Variants in RBFOX3 observed in about 807,000 individuals in gnomAD.
The protein encoded by RBFOX3 is RNA binding protein fox-1 homolog 3.
In RBFOX3, 17 loss-of-function variants were observed where a neutral mutation model predicts 48.7. That is an observed-to-expected ratio of 0.35 (90% CI 0.24 to 0.52). The LOEUF (loss-of-function observed/expected upper bound fraction) is 0.52, where lower values mean the gene tolerates loss of function less well. Among genes scored for constraint, RBFOX3 ranks in the 20% least tolerant of loss-of-function variants. The pLI, the probability that RBFOX3 is intolerant of heterozygous loss-of-function variation, is 0.94. For missense variants in RBFOX3, 382 were observed against 497.5 expected (o/e 0.77, Z 2.21); for synonymous variants, 212 against 209.5 (o/e 1.01, Z -0.10).
chr17:79,633,636 C>A, the RBFOX3 span, among the ~76,000 whole-genome samples: 2 of 152,098 alleles, frequency 1.3e-5, no homozygotes, highest in African/African-American at 4.8e-5. Flanking sequence ...GTGTGCTCCA[C>A]ACCCTGAGGG....
At chr17:79,131,692 A>C (rs1485149177) in intron 4 of RBFOX3, among the ~76,000 whole-genome samples, 1 of 152,158 alleles carries the variant, frequency 6.6e-6, no homozygotes, top group Admixed American at 6.5e-5. Context: ...TGCATTTAAG[A>C]CCATTATTGG....
At chr17:79,515,931 C>G (rs2085187272) in intron 1 of RBFOX3, 1 of 152,308 alleles carries the variant, frequency 6.6e-6, no homozygotes, top group African/African-American at 2.4e-5. Context: ...CTTCCAGAAA[C>G]CTAGCTTTAA....
the RBFOX3 span, among the ~76,000 whole-genome samples, chr17:79,632,506 G>A: frequency 2.5e-4 from 38 of 152,166 alleles, no homozygotes; most frequent in African/African-American, 8.7e-4. Context: ...GCCTGCCTCC[G>A]CTCCACCTAT....
At chr17:79,271,558 A>C (rs1369824605) in intron 3 of RBFOX3, among the ~76,000 whole-genome samples, 4 of 152,168 alleles carry the variant, frequency 2.6e-5, no homozygotes, top group Admixed American at 2.6e-4. Context: ...GGCATGCTGG[A>C]GCCCTCTCTC....
At chr17:79,113,447 G>A (rs572246809) in intron 5 of RBFOX3, among the ~76,000 whole-genome samples, 13 of 152,208 alleles carry the variant, frequency 8.5e-5, no homozygotes, top group African/African-American at 3.1e-4. Context: ...TGGGTCCCTG[G>A]ATGAAAGATC....
At chr17:79,590,635 G>C (rs943849316) in intron 1 of RBFOX3, among the ~76,000 whole-genome samples, 1 of 152,186 alleles carries the variant, frequency 6.6e-6, no homozygotes, top group Non-Finnish European at 1.5e-5. Context: ...TCCAGGAAAG[G>C]AGGCGGAAAA....
intron 1 of RBFOX3, among the ~76,000 whole-genome samples, chr17:79,561,233 G>A (rs2092193745): frequency 6.6e-6 from 1 of 152,148 alleles, no homozygotes; most frequent in African/African-American, 2.4e-5. Flanking sequence ...ATGCCCCTGG[G>A]GGCTTAAGTT....
At chr17:79,550,333 G>T (rs1278010358) in intron 1 of RBFOX3, among the ~76,000 whole-genome samples, 3 of 152,150 alleles carry the variant, frequency 2.0e-5, no homozygotes, top group Non-Finnish European at 2.9e-5. Flanking sequence ...TCAGGCAGGA[G>T]AAATCATGGA....
rs1006167454 is a variant in RBFOX3 at position 79,563,360 on chromosome 17, C to T, written c.-320+47466G>A. Among the ~76,000 whole-genome samples the T allele has an allele frequency of 7.2e-5, 11 of 152,346 alleles. No homozygotes were observed. In the South Asian group the frequency reaches 1.0e-3, roughly 14 times the overall value. Reference sequence around the variant, plus strand: ...CGGCCTGGTGAGGCAGGAAATGAAACGCCTCGCTTCCGTCTGCAAGGAAAG... The same window carrying T: ...CGGCCTGGTGAGGCAGGAAATGAAATGCCTCGCTTCCGTCTGCAAGGAAAG... On this transcript the variant is annotated intron_variant, in intron 1 of 14. Transcript: ENST00000693108.
intron 1 of RBFOX3, among the ~76,000 whole-genome samples, chr17:79,588,313 T>C (rs1482822502): frequency 6.6e-6 from 1 of 152,202 alleles, no homozygotes; most frequent in Non-Finnish European, 1.5e-5. Flanking sequence ...ACTTGATAAC[T>C]GATCTTATTC....
intron 1 of RBFOX3, among the ~76,000 whole-genome samples, chr17:79,563,334 G>T (rs2092326391): frequency 6.6e-6 from 1 of 152,224 alleles, no homozygotes; most frequent in South Asian, 2.1e-4. Context: ...TTCAGAGACA[G>T]CGGCCTGGTG....
At chr17:79,304,816 C>A (rs951066560) in intron 3 of RBFOX3, among the ~76,000 whole-genome samples, 3 of 152,180 alleles carry the variant, frequency 2.0e-5, no homozygotes, top group African/African-American at 7.2e-5. Flanking sequence ...TCGGAAGGTG[C>A]TGGTGGCTGT....
intron 4 of RBFOX3, among the ~76,000 whole-genome samples, chr17:79,169,995 AAAGT>A (rs2048818825): frequency 6.6e-6 from 1 of 151,622 alleles, no homozygotes; most frequent in African/African-American, 2.4e-5. Flanking sequence ...AAAAGGAGGA[AAAGT>A]GGGAGGAAAG....
chr17:79,215,274 A>AG (rs2058887720), intron 4 of RBFOX3, among the ~76,000 whole-genome samples: 2 of 151,592 alleles, frequency 1.3e-5, no homozygotes, highest in South Asian at 2.1e-4. Context: ...CTGAGGCTGT[A>AG]GGGGCAGGGA....
chr17:79,171,087 T>C (rs1313088406), intron 4 of RBFOX3, among the ~76,000 whole-genome samples: 2 of 152,216 alleles, frequency 1.3e-5, no homozygotes, highest in Admixed American at 6.5e-5. Context: ...ACTGGCCCCA[T>C]GTGGCTGTCG....
chr17:79,532,387 G>T (rs1255056144), intron 1 of RBFOX3, among the ~76,000 whole-genome samples: 2 of 152,246 alleles, frequency 1.3e-5, no homozygotes, highest in East Asian at 3.9e-4. Context: ...ACTGCAGAGA[G>T]AAGCCTCTGG....
At chr17:79,420,680 A>C (rs2066179761) in intron 2 of RBFOX3, among the ~76,000 whole-genome samples, 1 of 152,184 alleles carries the variant, frequency 6.6e-6, no homozygotes, top group Admixed American at 6.5e-5. Flanking sequence ...GCAGCTGAAG[A>C]GCTCGGCCAC....
At chr17:79,336,517 A>G (rs1233398017) in intron 2 of RBFOX3, among the ~76,000 whole-genome samples, 1 of 152,260 alleles carries the variant, frequency 6.6e-6, no homozygotes, top group Non-Finnish European at 1.5e-5. Context: ...TGGAGACAGA[A>G]CTGTGCAAAG....
At chr17:79,165,209 G>A (rs756291533) in intron 4 of RBFOX3, among the ~76,000 whole-genome samples, 7 of 152,090 alleles carry the variant, frequency 4.6e-5, no homozygotes, top group Non-Finnish European at 7.4e-5. Flanking sequence ...CCCAGGCTGC[G>A]GTGAGCCATT....
Sources: gnomAD v4.1 joint callset for allele counts (sites outside exome capture counted in the v4.1 genomes callset) on GRCh38, gnomAD v4.1.1 for gene constraint, MANE v1.5 for transcripts, NCBI Gene and HGNC (gene_info 2026-07-23, HGNC 2026-07-21) for gene names.